Variants in ADGRL2 observed in about 807,000 individuals in gnomAD.
ADGRL2 encodes the protein calcium-independent alpha-latrotoxin receptor 2.
Under a neutral mutation model 157.4 loss-of-function variants are expected in ADGRL2, and 44 were observed. The observed-to-expected ratio is 0.28, with a 90% CI of 0.22 to 0.36. The LOEUF is 0.36. ADGRL2 is among the 10% of genes least tolerant of loss of function. The pLI is 1.00. For missense variants in ADGRL2, 1,510 were observed against 1,768.9 expected (o/e 0.85, Z 2.63); for synonymous variants, 585 against 624.7 (o/e 0.94, Z 0.95).
chr1:81,988,197 C>T (rs756285662), intron 23 of ADGRL2, among the ~76,000 whole-genome samples: 3 of 152,094 alleles, frequency 2.0e-5, no homozygotes, highest in Non-Finnish European at 4.4e-5. Context: ...TGCATTCCCA[C>T]AGTAATCTTG....
At chr1:81,518,006 A>G (rs1443067147) in intron 2 of ADGRL2, among the ~76,000 whole-genome samples, 2 of 152,246 alleles carry the variant, frequency 1.3e-5, no homozygotes, top group South Asian at 2.1e-4. Flanking sequence ...TCATTTCCAT[A>G]CTTAACACCT....
At chr1:81,748,782 C>T (rs1571062548) in intron 1 of ADGRL2, among the ~76,000 whole-genome samples, 1 of 151,904 alleles carries the variant, frequency 6.6e-6, no homozygotes, top group African/African-American at 2.4e-5. Flanking sequence ...ATTTTCCTGC[C>T]TTAGCCTCCC....
chr1:81,644,714 T>C (rs2082281096), intron 3 of ADGRL2, among the ~76,000 whole-genome samples: 1 of 152,166 alleles, frequency 6.6e-6, no homozygotes, highest in East Asian at 1.9e-4. Context: ...CTCCCGGTGA[T>C]GATGTATCAA....
At chr1:81,926,214 G>T (rs552008336) in intron 3 of ADGRL2, among the ~76,000 whole-genome samples, 1 of 152,104 alleles carries the variant, frequency 6.6e-6, no homozygotes, top group African/African-American at 2.4e-5. Context: ...AGAAGGAATA[G>T]AGTATGAAAA....
intron 2 of ADGRL2, among the ~76,000 whole-genome samples, chr1:81,462,399 C>G (rs1426999262): frequency 6.6e-6 from 1 of 151,916 alleles, no homozygotes; most frequent in Non-Finnish European, 1.5e-5. Flanking sequence ...CATTTAAGAG[C>G]TGTAACACTC....
At chr1:81,839,757 AT>A (rs5775642) in intron 2 of ADGRL2, among the ~76,000 whole-genome samples, 11 of 144,522 alleles carry the variant, frequency 7.6e-5, no homozygotes, top group African/African-American at 2.3e-4. Context: ...ATATATATGT[AT>A]TTTTTTCATC....
intron 2 of ADGRL2, among the ~76,000 whole-genome samples, chr1:81,766,293 G>C (rs2086114637): frequency 6.6e-6 from 1 of 152,070 alleles, no homozygotes; most frequent in Admixed American, 6.6e-5. Context: ...TATCTTTCTT[G>C]ATGAGTGGTT....
intron 2 of ADGRL2, among the ~76,000 whole-genome samples, chr1:81,470,278 T>G (rs145184814): frequency 0.011 from 1,705 of 152,308 alleles, 35 homozygotes; most frequent in African/African-American, 0.039. Flanking sequence ...AAAGAGTGGC[T>G]GCTGCCCTTT....
At chr1:81,437,985 C>T (rs2077439197) in intron 1 of ADGRL2, among the ~76,000 whole-genome samples, 1 of 151,832 alleles carries the variant, frequency 6.6e-6, no homozygotes, top group Non-Finnish European at 1.5e-5. Context: ...GAGGCCATTG[C>T]ATAGCGTTGC....
intron 2 of ADGRL2, among the ~76,000 whole-genome samples, chr1:81,534,074 G>T (rs17106650): frequency 6.6e-6 from 1 of 151,990 alleles, no homozygotes; most frequent in Non-Finnish European, 1.5e-5. Context: ...TAAAATGTGG[G>T]TGTCATCTAA....
At chr1:81,430,172 C>T (rs1310736071) in intron 1 of ADGRL2, among the ~76,000 whole-genome samples, 3 of 152,130 alleles carry the variant, frequency 2.0e-5, no homozygotes, top group South Asian at 4.1e-4. Flanking sequence ...GGATTACAGG[C>T]GTGAGCCACT....
rs576205020 is a variant in ADGRL2 at position 81,576,017 on chromosome 1, G to T, written c.-247-4859G>T. 3.3e-5 allele frequency among the ~76,000 whole-genome samples: 5 copies of T among 152,200 alleles called. No homozygotes were observed. The South Asian group carries it at 1.0e-3, about 32-fold the overall frequency. The stretch of plus-strand genomic sequence containing the variant: ...TTCAGAATTCTCTTCTTCAACAGAT[G>T]AAATAGTATGGGATTTAAAAATTGA... On this transcript the variant is annotated intron_variant, in intron 2 of 24. Transcript: ENST00000370721.
intron 3 of ADGRL2, among the ~76,000 whole-genome samples, chr1:81,913,307 GTGT>G: frequency 6.6e-6 from 1 of 152,162 alleles, no homozygotes; most frequent in African/African-American, 2.4e-5. Context: ...TTGAAGGAAT[GTGT>G]TGTTGTATAT....
chr1:81,565,748 A>G (rs1027572166), intron 2 of ADGRL2, among the ~76,000 whole-genome samples: 1 of 152,194 alleles, frequency 6.6e-6, no homozygotes, highest in Non-Finnish European at 1.5e-5. Context: ...AGAAAAGCAC[A>G]TTAGCCTTTC....
intron 23 of ADGRL2, among the ~76,000 whole-genome samples, chr1:81,988,694 T>A (rs990228995): frequency 1.2e-4 from 18 of 152,164 alleles, no homozygotes; most frequent in Non-Finnish European, 2.5e-4. Context: ...TCTCATTTTT[T>A]TGCTAATGAT....
At position 81,971,885 on chromosome 1, in the gene ADGRL2, G is replaced by T; in HGVS notation, c.2988G>T (p.Trp996Cys). 1 of 1,611,634 alleles carries T rather than the reference G, an allele frequency of 6.2e-7. No homozygotes were observed. The highest frequency in any genetic ancestry group is 8.5e-7 in the Non-Finnish European group (1 of 1,178,594). ...TTCATGTTGATAACTACTTTATATG[G>T]AGCTTCATTGGACCTGTTACCTTCA... ...CWLHVDNYFI[W>C]SFIGPVTFII... is the part of the protein sequence containing the mutation. The change falls in exon 17 of 24, where the codon TGG becomes TGT. Residue 996 changes from tryptophan (W) to cysteine (C), a missense_variant. By Grantham distance (215) the Trp-to-Cys change is radical. Around this residue, in one of 4 missense-constraint regions of ADGRL2, gnomAD observed 497 missense variants for 627.2 expected, o/e 0.79. Coordinates refer to ENST00000686636, the MANE Select transcript of ADGRL2 (RefSeq NM_001366006.2).
upstream of ADGRL2, among the ~76,000 whole-genome samples, chr1:81,697,377 A>T (rs749740155): frequency 2.0e-5 from 3 of 152,190 alleles, no homozygotes; most frequent in Admixed American, 2.0e-4. Context: ...GAGTTGTTTT[A>T]TTCTCATTAT....
At chr1:81,858,380 T>C (rs1053274364) in intron 2 of ADGRL2, among the ~76,000 whole-genome samples, 1 of 152,218 alleles carries the variant, frequency 6.6e-6, no homozygotes, top group African/African-American at 2.4e-5. Flanking sequence ...GCAAATGCTA[T>C]GTTTTTGCAG....
chr1:81,811,260 A>G (rs936680272), intron 1 of ADGRL2, among the ~76,000 whole-genome samples: 17 of 151,964 alleles, frequency 1.1e-4, no homozygotes, highest in African/African-American at 4.1e-4. Context: ...ATGTTTTAGC[A>G]TATCTTATAA....
Sources: allele counts gnomAD v4.1 joint callset (sites outside exome capture counted in the v4.1 genomes callset), GRCh38; gene constraint gnomAD v4.1.1; regional missense constraint gnomAD v4.1.1; transcripts MANE v1.5; gene names NCBI Gene and HGNC (gene_info 2026-07-23, HGNC 2026-07-21).